Variants in UQCC2 observed in about 807,000 individuals in gnomAD.
UQCC2 encodes ubiquinol-cytochrome c reductase complex assembly factor 2.
Under a neutral mutation model 19.9 loss-of-function variants are expected in UQCC2, and 21 were observed. The observed-to-expected ratio is 1.05, with a 90% CI of 0.75 to 1.52. The LOEUF (loss-of-function observed/expected upper bound fraction) is 1.52. Among genes scored for constraint, UQCC2 ranks in the 40% most tolerant of loss-of-function variants. The probability of loss-of-function intolerance (pLI) is 0.00; values close to 1 mark genes in which losing one functional copy is unlikely to be tolerated. For missense variants in UQCC2, 135 were observed against 157.5 expected (o/e 0.86, Z 0.76); for synonymous variants, 57 against 60.9 (o/e 0.94, Z 0.30).
intron 1 of UQCC2, among the ~76,000 whole-genome samples, chr6:33,707,677 C>T (rs1765716110): frequency 6.6e-6 from 1 of 152,200 alleles, no homozygotes; most frequent in Non-Finnish European, 1.5e-5. Flanking sequence ...TGCTGGTGTG[C>T]AGTCCGGGAT....
Position 33,711,644 on chromosome 6 carries a change from C to G in UQCC2, c.43G>C (p.Glu15Gln). ...CGTTTGGTCTCGTCCACTGGCCATT[C>G]CTCACAGAGCTTAAGAAAACGCCGG... ...RYRRFLKLCE[E>Q]WPVDETKRGR... The change falls in exon 1 of 4, where the codon GAA (glutamate) becomes CAA (glutamine). Residue 15 changes from glutamate (E) to glutamine (Q), a missense_variant. Coordinates refer to ENST00000607484, the MANE Select transcript of UQCC2 (RefSeq NM_032340.4). 6.2e-7 allele frequency: 1 copy of G among 1,613,872 alleles called. No individual in the cohort carries two copies. Among genetic ancestry groups the G allele is most frequent in the Non-Finnish European group, 8.5e-7 (1 of 1,179,902 alleles).
chr6:33,697,897 A>G, intron 3 of UQCC2, 147 bp from the exon 4 acceptor site: 1 of 641,066 alleles, frequency 1.6e-6, no homozygotes, highest in Non-Finnish European at 2.7e-6. Flanking sequence ...GCTCCTGAAG[A>G]GCAGATCAAA....
chr6:33,702,251 A>G (rs4713660), intron 1 of UQCC2, among the ~76,000 whole-genome samples: 63,271 of 151,320 alleles, frequency 0.42, 15,635 homozygotes, highest in East Asian at 0.86. Context: ...CAAGCGATCC[A>G]CCTGCCTCAG....
intron 3 of UQCC2, among the ~76,000 whole-genome samples, chr6:33,699,728 G>A (rs1386751926): frequency 2.0e-5 from 3 of 152,192 alleles, no homozygotes; most frequent in Admixed American, 2.0e-4. Context: ...GCTGAAGGCT[G>A]CCAGAAGAAG....
Position 33,697,629 on chromosome 6 carries a change from A to C in UQCC2, c.*24T>G. On this transcript the variant is annotated 3_prime_UTR_variant, in exon 4 of 4. Coordinates refer to ENST00000607484, the MANE Select transcript of UQCC2 (RefSeq NM_032340.4). ...AATGTACAAGACTCCACACCTAGGT[A>C]TGTGCACGAGGTAAGGCCTGAGCTC... The C allele has an allele frequency of 3.3e-6, 5 of 1,534,034 alleles. No individual in the cohort carries two copies. Among genetic ancestry groups the C allele is most frequent in the Non-Finnish European group, 4.5e-6 (5 of 1,118,810 alleles).
intron 1 of UQCC2, among the ~76,000 whole-genome samples, chr6:33,709,510 A>G (rs1191428108): frequency 6.6e-6 from 1 of 152,180 alleles, no homozygotes; most frequent in Non-Finnish European, 1.5e-5. Context: ...CTCATACTAA[A>G]AATATGCAGG....
chr6:33,700,177 T>C (rs1312426047), intron 3 of UQCC2, among the ~76,000 whole-genome samples: 2 of 152,226 alleles, frequency 1.3e-5, no homozygotes, highest in Non-Finnish European at 2.9e-5. Context: ...ACTACTTCCA[T>C]TTGGCAAATA....
chr6:33,702,980 C>T (rs183925058), intron 1 of UQCC2, among the ~76,000 whole-genome samples: 22 of 152,308 alleles, frequency 1.4e-4, no homozygotes, highest in Non-Finnish European at 2.9e-5. Flanking sequence ...GAATGTACAC[C>T]CAGATACATC....
Position 33,697,623 on chromosome 6 carries a change from C to T in UQCC2, c.*30G>A, listed in dbSNP as rs201458357. On this transcript the variant is annotated 3_prime_UTR_variant, in exon 4 of 4. Transcript: ENST00000607484. ...GATGGCAATGTACAAGACTCCACAC[C>T]TAGGTATGTGCACGAGGTAAGGCCT... The T allele has an allele frequency of 6.4e-7, 1 of 1,551,112 alleles. No homozygotes were observed. Among genetic ancestry groups the T allele is most frequent in the East Asian group, 2.2e-5 (1 of 44,568 alleles).
intron 3 of UQCC2, among the ~76,000 whole-genome samples, chr6:33,699,734 A>G (rs2127333377): frequency 6.6e-6 from 1 of 152,370 alleles, no homozygotes; most frequent in African/African-American, 2.4e-5. Context: ...GGCTGCCAGA[A>G]GAAGAGGAAA....
intron 3 of UQCC2, 71 bp downstream of exon 3, chr6:33,700,373 A>C: frequency 6.5e-7 from 1 of 1,546,812 alleles, no homozygotes. Context: ...CTTCTTAGAC[A>C]ATTCCCCTTG....
At chr6:33,706,105 G>C (rs886089301) in intron 1 of UQCC2, among the ~76,000 whole-genome samples, 11 of 152,134 alleles carry the variant, frequency 7.2e-5, no homozygotes, top group Non-Finnish European at 1.3e-4. Context: ...TTTGCAAATT[G>C]AATTTTGGGT....
At chr6:33,705,690 C>T (rs528530562) in intron 1 of UQCC2, among the ~76,000 whole-genome samples, 33 of 152,196 alleles carry the variant, frequency 2.2e-4, no homozygotes, top group Non-Finnish European at 4.4e-4. Flanking sequence ...ATTCCAGAAG[C>T]CTCACCACGT....
intron 3 of UQCC2, 149 bp from the exon 4 acceptor site, chr6:33,697,899 C>G (rs1765586145): frequency 1.6e-6 from 1 of 631,600 alleles, no homozygotes; most frequent in South Asian, 1.9e-5. Flanking sequence ...TCCTGAAGAG[C>G]AGATCAAACA....
chr6:33,703,712 AG>A (rs1395816219), intron 1 of UQCC2, among the ~76,000 whole-genome samples: 2 of 152,188 alleles, frequency 1.3e-5, no homozygotes, highest in Non-Finnish European at 2.9e-5. Flanking sequence ...ACTTGAAAGT[AG>A]GAGCATAATG....
Position 33,704,892 on chromosome 6 carries a change from G to A in UQCC2, c.139-3472C>T, listed in dbSNP as rs183848372. Among the ~76,000 whole-genome samples the A allele has an allele frequency of 2.7e-4, 41 of 152,242 alleles. 1 individual carries two copies. The highest frequency in any genetic ancestry group is 7.7e-4 in the East Asian group (4 of 5,192). On this transcript the variant is annotated intron_variant, in intron 1 of 3. Transcript: ENST00000607484. The stretch of plus-strand genomic sequence containing the variant: ...ATAAGGTGCTGTCCTTCCTTGCCAC[G>A]TAGTCCCATCCCTGATGAGCAGCAG...
chr6:33,697,920 G>C, intron 3 of UQCC2, 170 bp from the exon 4 acceptor site: 2 of 607,402 alleles, frequency 3.3e-6, no homozygotes, highest in East Asian at 2.8e-5. Context: ...GGTAACAGAA[G>C]TGACCGCTTG....
At position 33,711,676 on chromosome 6, in the gene UQCC2, C is replaced by G; in HGVS notation, c.11G>C (p.Ser4Thr). ...GAGCTTAAGAAAACGCCGGTACCGG[C>G]TGGCCGCCATCTTGGGCCCCGCGTG... MAA[S>T]RYRRFLKLCE... Residue 4 changes from serine (S) to threonine (T), a missense_variant, in exon 1 of 4, where the codon AGC becomes ACC. Physicochemically the swap from Ser to Thr is moderately conservative, Grantham distance 58. Transcript: ENST00000607484. The G allele has an allele frequency of 6.2e-7, 1 of 1,609,780 alleles. No homozygotes were observed. The highest frequency in any genetic ancestry group is 2.2e-5 in the East Asian group (1 of 44,660).
intron 1 of UQCC2, among the ~76,000 whole-genome samples, chr6:33,707,034 A>G (rs1765708568): frequency 6.6e-6 from 1 of 152,178 alleles, no homozygotes; most frequent in Non-Finnish European, 1.5e-5. Context: ...CAGACCCCAA[A>G]CATCTTTGAA....
Sources: gnomAD v4.1 joint callset for allele counts (sites outside exome capture counted in the v4.1 genomes callset) on GRCh38, gnomAD v4.1.1 for gene constraint, MANE v1.5 for transcripts, NCBI Gene and HGNC (gene_info 2026-07-23, HGNC 2026-07-21) for gene names.